PKP1: variants seen among roughly 807,000 people sequenced by gnomAD.
The protein encoded by PKP1 is plakophilin 1.
PKP1 carries 27 observed loss-of-function variants against 76.4 expected under a neutral mutation model. That is an observed-to-expected ratio of 0.35 (90% CI 0.26 to 0.49). The LOEUF (loss-of-function observed/expected upper bound fraction) is 0.49. Among genes scored for constraint, PKP1 ranks in the 20% least tolerant of loss-of-function variants. The pLI, the probability that PKP1 is intolerant of heterozygous loss-of-function variation, is 0.99. For synonymous variants in PKP1, 404 were observed against 384.2 expected, an observed-to-expected ratio of 1.05 and a Z score of -0.60; for missense variants, 964 against 955.2, an observed-to-expected ratio of 1.01 and a Z score of -0.12.
intron 10 of PKP1, 59 bp from the exon 11 acceptor site, chr1:201,324,882 C>T: frequency 6.6e-7 from 1 of 1,516,890 alleles, no homozygotes; most frequent in East Asian, 2.3e-5. Context: ...AGAGGGAACC[C>T]CTCAGCCCTT....
intron 2 of PKP1, among the ~76,000 whole-genome samples, chr1:201,310,689 G>T (rs1411363017): frequency 6.6e-6 from 1 of 152,202 alleles, no homozygotes; most frequent in African/African-American, 2.4e-5. Context: ...CATGATGATG[G>T]GAGAGAGTCA....
intron 1 of PKP1, among the ~76,000 whole-genome samples, chr1:201,291,455 A>C (rs1024234114): frequency 2.6e-5 from 4 of 152,126 alleles, no homozygotes; most frequent in African/African-American, 9.7e-5. Context: ...ACCTTCATAC[A>C]GAGAAGAGTG....
chr1:201,309,735 G>C (rs920411081), intron 2 of PKP1, among the ~76,000 whole-genome samples: 1 of 152,172 alleles, frequency 6.6e-6, no homozygotes, highest in Non-Finnish European at 1.5e-5. Context: ...TGCTCTCTCG[G>C]GACCTGGAAG....
At position 201,321,961 on chromosome 1, in the gene PKP1, C is replaced by T. The variant is rs1472361741; in HGVS notation, c.1348-17C>T. The T allele has an allele frequency of 1.9e-6, 3 of 1,613,782 alleles. No individual in the cohort carries two copies. The highest frequency in any genetic ancestry group is 1.3e-5 in the African/African-American group (1 of 74,908). On this transcript the variant is annotated splice_polypyrimidine_tract_variant and intron_variant, in intron 7 of 13. Transcript: ENST00000367324. The stretch of plus-strand genomic sequence containing the variant: ...GCCGGGCAGAGGCTCAGGCCCATGC[C>T]TCTCCTTGGTCCCCAGTCTGTGGAA...
intron 2 of PKP1, among the ~76,000 whole-genome samples, chr1:201,301,090 G>A (rs112332999): frequency 5.9e-5 from 9 of 152,150 alleles, no homozygotes; most frequent in African/African-American, 1.4e-4. Context: ...GAGTGAGCAC[G>A]CTGGCCCCTC....
Position 201,331,623 on chromosome 1 carries a change from CAA to C in PKP1, c.*1583_*1584del, listed in dbSNP as rs1333204131. ...TCCTCACCCCTTCTCAGCCTCCTCCCAAGTCTTCCTCTTCTGCACCACCCCCG... is the reference window on the plus strand; with the variant it reads ...TCCTCACCCCTTCTCAGCCTCCTCCCGTCTTCCTCTTCTGCACCACCCCCG... On this transcript the variant is annotated 3_prime_UTR_variant, in exon 14 of 14. Transcript: ENST00000367324. The C allele has an allele frequency of 6.6e-6, 1 of 152,566 alleles. No individual in the cohort carries two copies. Among genetic ancestry groups the C allele is most frequent in the Non-Finnish European group, 1.5e-5 (1 of 68,250 alleles). The allele number at this position is 152,566 out of a possible 1,614,324, so 9.5% of individuals were successfully genotyped here.
At chr1:201,324,654 G>GATGACCT in intron 10 of PKP1, 73 bp downstream of exon 10, 1 of 1,556,076 alleles carries the variant, frequency 6.4e-7, no homozygotes, top group African/African-American at 1.4e-5. Context: ...CTGCTTGAAG[G>GATGACCT]TCATCCTTTA....
chr1:201,308,469 A>C (rs1656432209), intron 2 of PKP1, among the ~76,000 whole-genome samples: 1 of 152,104 alleles, frequency 6.6e-6, no homozygotes, highest in African/African-American at 2.4e-5. Flanking sequence ...AACAAACAAG[A>C]CCAGAGGCCC....
At chr1:201,324,342 T>C (rs1277429541) in intron 9 of PKP1, 86 bp from the exon 10 acceptor site, 8 of 1,405,648 alleles carry the variant, frequency 5.7e-6, no homozygotes, top group South Asian at 1.2e-5. Context: ...CTGGGATGTC[T>C]GCCTTTGGGG....
chr1:201,291,574 C>A (rs1489323221), intron 1 of PKP1, among the ~76,000 whole-genome samples: 6 of 152,188 alleles, frequency 3.9e-5, no homozygotes, highest in Non-Finnish European at 4.4e-5. Context: ...AGAAGACGGG[C>A]AAGAAGGCCC....
intron 9 of PKP1, among the ~76,000 whole-genome samples, chr1:201,323,749 G>A (rs545040964): frequency 6.2e-4 from 94 of 152,266 alleles, no homozygotes; most frequent in African/African-American, 2.1e-3. Context: ...AAAGGGAACC[G>A]AGCAGCAGCA....
chr1:201,305,046 C>T (rs1461336138), intron 2 of PKP1, among the ~76,000 whole-genome samples: 2 of 152,234 alleles, frequency 1.3e-5, no homozygotes, highest in African/African-American at 4.8e-5. Flanking sequence ...AAGACCTTCC[C>T]TACCTGAGTC....
In PKP1 at chr1:201,313,179, C is replaced by T; in HGVS notation, c.320C>T (p.Thr107Ile). 6.2e-7 allele frequency: 1 copy of T among 1,609,752 alleles called. No individual in the cohort carries two copies. The change falls in exon 3 of 14, where the codon ACC becomes ATC. Residue 107 changes from threonine to isoleucine, a missense_variant. Coordinates refer to ENST00000367324, the MANE Select transcript of PKP1 (RefSeq NM_001005337.3). ...GSWGYPIYNG[T>I]LKREPDNRRF... ...TTCCCTGGCCAGATCTACAATGGAA[C>T]CCTCAAGCGGGAGCCTGACAACAGG...
At chr1:201,289,991 GC>G (rs1439215426) in intron 1 of PKP1, among the ~76,000 whole-genome samples, 1 of 152,178 alleles carries the variant, frequency 6.6e-6, no homozygotes, top group Non-Finnish European at 1.5e-5. Context: ...AGGCTCACCT[GC>G]CCCTACTGGA....
Position 201,283,855 on chromosome 1 carries a change from G to T in PKP1, c.153G>T (p.Arg51=). The stretch of plus-strand genomic sequence containing the variant: ...AGCAGGTGATGATGACCGTCAAGCG[G>T]CAGAAGTCCAAGTCTTCCCAGTCGT... ...VQEQVMMTVK[R]QKSKSSQSST... is the part of the protein sequence containing the mutation. Residue 51 remains arginine (R), a synonymous_variant, in exon 1 of 14, where the codon CGG becomes CGT. Coordinates refer to ENST00000367324, the MANE Select transcript of PKP1 (RefSeq NM_001005337.3). The T allele has an allele frequency of 6.2e-7, 1 of 1,614,162 alleles. No individual in the cohort carries two copies.
chr1:201,312,722 G>A (rs1772858), intron 2 of PKP1, among the ~76,000 whole-genome samples: 75,588 of 152,000 alleles, frequency 0.5, 22,814 homozygotes, highest in East Asian at 0.74. Flanking sequence ...ACTAGCATGG[G>A]GCTCTGATAC....
Position 201,325,760 on chromosome 1 carries a change from AC to A in PKP1, c.2031del (p.Lys678ArgfsTer36). 6.2e-7 allele frequency: 1 copy of A among 1,613,686 alleles called. No homozygotes were observed. The highest frequency in any genetic ancestry group is 8.5e-7 in the Non-Finnish European group (1 of 1,179,666). Reference sequence around the variant, plus strand: ...GCACTTCTCACCTGCCCAGTGCCTCACCCAAGGCCGCAGAAGCTGCCCGGCT... The same window carrying A: ...GCACTTCTCACCTGCCCAGTGCCTCACCAAGGCCGCAGAAGCTGCCCGGCT... The part of the protein sequence containing the change: ...IINLCRSSAS[P>X]KAAEAARLLL... On this transcript the variant is annotated frameshift_variant, in exon 12 of 14. Coordinates refer to ENST00000367324, the MANE Select transcript of PKP1 (RefSeq NM_001005337.3). LOFTEE classifies it high-confidence loss of function.
At chr1:201,291,020 G>GA (rs1251539454) in intron 1 of PKP1, among the ~76,000 whole-genome samples, 1 of 152,172 alleles carries the variant, frequency 6.6e-6, no homozygotes, top group African/African-American at 2.4e-5. Context: ...TCAAGAGAGG[G>GA]AAAATCACTT....
intron 3 of PKP1, chr1:201,316,264 G>T: frequency 2.5e-6 from 1 of 398,768 alleles, no homozygotes; most frequent in Non-Finnish European, 4.5e-6. Flanking sequence ...TCAGGGAATA[G>T]GGAGGAGTTT....
Sources: gnomAD v4.1 joint callset for allele counts (sites outside exome capture counted in the v4.1 genomes callset) on GRCh38, gnomAD v4.1.1 for gene constraint, MANE v1.5 for transcripts, NCBI Gene and HGNC (gene_info 2026-07-23, HGNC 2026-07-21) for gene names.